The following PCBD2 variants were observed in gnomAD, a reference collection of about 807,000 sequenced individuals.
The protein encoded by PCBD2 is pterin-4-alpha-carbinolamine dehydratase 2.
PCBD2 carries 12 observed loss-of-function variants against 16.4 expected under a neutral mutation model. That is an observed-to-expected ratio of 0.73 (90% confidence interval 0.47 to 1.19). The LOEUF is 1.19. Ranked by LOEUF, PCBD2 falls within the 50% of genes most tolerant of loss-of-function variation. The pLI is 0.00. For missense variants in PCBD2, 138 were observed against 156.8 expected, an observed-to-expected ratio of 0.88 and a Z score of 0.64; for synonymous variants, 58 against 61.8, an observed-to-expected ratio of 0.94 and a Z score of 0.29.
chr5:134,955,074 T>C (rs1048769895), intron 2 of PCBD2, among the ~76,000 whole-genome samples: 1 of 152,072 alleles, frequency 6.6e-6, no homozygotes, highest in Non-Finnish European at 1.5e-5. Context: ...TGAATTGATC[T>C]TTTTGATTAG....
intron 2 of PCBD2, among the ~76,000 whole-genome samples, chr5:134,934,072 C>G (rs1199944108): frequency 6.6e-6 from 1 of 152,082 alleles, no homozygotes; most frequent in Non-Finnish European, 1.5e-5. Flanking sequence ...TCCACACTTG[C>G]TAGTTCTGTG....
At chr5:134,953,968 T>TAATC (rs1466211903) in intron 2 of PCBD2, among the ~76,000 whole-genome samples, 3 of 152,158 alleles carry the variant, frequency 2.0e-5, no homozygotes, top group African/African-American at 7.2e-5. Flanking sequence ...ATTAATTAAT[T>TAATC]AATCAGATAC....
At chr5:134,940,620 A>G (rs1473274568) in intron 2 of PCBD2, among the ~76,000 whole-genome samples, 1 of 152,138 alleles carries the variant, frequency 6.6e-6, no homozygotes, top group South Asian at 2.1e-4. Flanking sequence ...AAATATCATA[A>G]TTTTGAAAAC....
At chr5:134,943,918 A>G (rs1751261428) in intron 2 of PCBD2, among the ~76,000 whole-genome samples, 1 of 152,198 alleles carries the variant, frequency 6.6e-6, no homozygotes. Context: ...AGTGTATCAG[A>G]CCATTTCTTT....
intron 2 of PCBD2, among the ~76,000 whole-genome samples, chr5:134,938,622 T>C (rs1751189202): frequency 6.6e-6 from 1 of 152,116 alleles, no homozygotes; most frequent in African/African-American, 2.4e-5. Flanking sequence ...AACCTTTGAC[T>C]TAATTGTGTG....
At chr5:134,928,799 C>T (rs1019524582) in intron 2 of PCBD2, among the ~76,000 whole-genome samples, 2 of 152,148 alleles carry the variant, frequency 1.3e-5, no homozygotes, top group Non-Finnish European at 2.9e-5. Flanking sequence ...CGTGCCACTC[C>T]AGCCTAGGCA....
At position 134,927,079 on chromosome 5, in the gene PCBD2, C is replaced by T. The variant is rs566640022; in HGVS notation, c.216+16613C>T. 4.7e-4 allele frequency: 189 copies of T among 398,340 alleles called. No individual in the cohort carries two copies. In the South Asian group the frequency reaches 5.6e-3, roughly 12 times the overall value. The allele number at this position is 398,340 out of a possible 1,614,324, so 24.7% of individuals were successfully genotyped here. A position where few individuals can be genotyped will look rare whatever the true frequency, so the allele number is the denominator to read the frequency against. On this transcript the variant is annotated intron_variant, in intron 2 of 3. Transcript: ENST00000254908. ...CAGAATAGTAATGAGGATGTAAGTCCGTGGGCGACTATGAGAATGACTGCG... is the reference window on the plus strand; with the variant it reads ...CAGAATAGTAATGAGGATGTAAGTCTGTGGGCGACTATGAGAATGACTGCG...
intron 2 of PCBD2, among the ~76,000 whole-genome samples, chr5:134,915,905 A>G (rs1750826754): frequency 6.6e-6 from 1 of 152,126 alleles, no homozygotes; most frequent in Non-Finnish European, 1.5e-5. Flanking sequence ...TCCTGGCCTG[A>G]GCTCTACAGA....
chr5:134,922,621 A>C (rs1308439797), intron 2 of PCBD2, among the ~76,000 whole-genome samples: 1 of 152,112 alleles, frequency 6.6e-6, no homozygotes, highest in East Asian at 1.9e-4. Flanking sequence ...GAAAAAAGTT[A>C]ATGTATCATT....
At chr5:134,945,248 G>T (rs887626518) in intron 2 of PCBD2, among the ~76,000 whole-genome samples, 2 of 152,166 alleles carry the variant, frequency 1.3e-5, no homozygotes, top group African/African-American at 2.4e-5. Flanking sequence ...ACTTTCCTCT[G>T]ATGGGATTGC....
In PCBD2 at chr5:134,910,556, A is replaced by G. The variant is rs1304178801; in HGVS notation, c.216+90A>G. On this transcript the variant is annotated intron_variant, in intron 2 of 3. Coordinates refer to ENST00000254908, the MANE Select transcript of PCBD2 (RefSeq NM_032151.5). ...CTGATTCTGCCAGTTGTCTGGTCCC[A>G]TGTAGATCTAGGATTCAACTCTTCC... The G allele has an allele frequency of 3.5e-6, 5 of 1,427,006 alleles. No homozygotes were observed. The African/African-American group carries it at 4.3e-5, about 12-fold the overall frequency. The allele number at this position is 1,427,006 out of a possible 1,614,324, so 88.4% of individuals were successfully genotyped here. A position where few individuals can be genotyped will look rare whatever the true frequency, so the allele number is the denominator to read the frequency against.
chr5:134,925,517 CTAT>C (rs1368123564), intron 2 of PCBD2: 3 of 398,318 alleles, frequency 7.5e-6, no homozygotes, highest in Admixed American at 8.8e-5. Flanking sequence ...CCGATTGTGA[CTAT>C]TATAAGTCCT....
intron 2 of PCBD2, among the ~76,000 whole-genome samples, chr5:134,951,996 T>A (rs140467228): frequency 2.9e-4 from 44 of 152,294 alleles, no homozygotes; most frequent in Admixed American, 1.2e-3. Flanking sequence ...TAGTAAGATT[T>A]ATCTATTTCT....
chr5:134,935,376 C>A (rs1751146828), intron 2 of PCBD2, among the ~76,000 whole-genome samples: 1 of 152,212 alleles, frequency 6.6e-6, no homozygotes, highest in Admixed American at 6.5e-5. Flanking sequence ...CTTTATGTGA[C>A]CTTCCTAAAC....
chr5:134,932,074 A>G (rs1337235527), intron 2 of PCBD2, among the ~76,000 whole-genome samples: 1 of 152,256 alleles, frequency 6.6e-6, no homozygotes, highest in Admixed American at 6.5e-5. Context: ...GGAACTCTGC[A>G]TACAGAAGAT....
At chr5:134,908,299 G>A (rs961397598) in intron 1 of PCBD2, among the ~76,000 whole-genome samples, 5 of 150,490 alleles carry the variant, frequency 3.3e-5, no homozygotes, top group Admixed American at 1.3e-4. Context: ...GATTACAGGC[G>A]TGTGCCACCA....
chr5:134,913,146 A>G (rs1261803456), intron 2 of PCBD2, among the ~76,000 whole-genome samples: 5 of 152,272 alleles, frequency 3.3e-5, no homozygotes, highest in Non-Finnish European at 7.3e-5. Flanking sequence ...AAGATTTATT[A>G]AGCATTTTCT....
At position 134,948,337 on chromosome 5, in the gene PCBD2, A is replaced by G. The variant is rs77729106; in HGVS notation, c.217-10703A>G. Reference sequence around the variant, plus strand: ...CATAGCTAGTGATCACCTTGGCCAGAATGTCTTTTTGGTATACATCAGCTG... The same window carrying G: ...CATAGCTAGTGATCACCTTGGCCAGGATGTCTTTTTGGTATACATCAGCTG... On this transcript the variant is annotated intron_variant, in intron 2 of 3. Transcript: ENST00000254908. 3.4e-3 allele frequency among the ~76,000 whole-genome samples: 523 copies of G among 152,294 alleles called. 8 individuals carry two copies. In the East Asian group the frequency reaches 0.039, roughly 11 times the overall value.
At chr5:134,909,336 C>T (rs909170694) in intron 1 of PCBD2, among the ~76,000 whole-genome samples, 7 of 152,246 alleles carry the variant, frequency 4.6e-5, no homozygotes, top group African/African-American at 1.7e-4. Context: ...TCCAGAGGAT[C>T]TGTGGACCCC....
Sources: allele counts gnomAD v4.1 joint callset (sites outside exome capture counted in the v4.1 genomes callset), GRCh38; gene constraint gnomAD v4.1.1; transcripts MANE v1.5; gene names NCBI Gene and HGNC (gene_info 2026-07-23, HGNC 2026-07-21).